Variants in ZCWPW2 observed in about 807,000 individuals in gnomAD.
ZCWPW2 encodes the protein zinc finger CW-type PWWP domain protein 2.
In ZCWPW2, 45 loss-of-function variants were observed where a neutral mutation model predicts 46.6. The ratio of observed to expected loss-of-function variants is 0.96; its 90% confidence interval spans 0.76 to 1.24. The LOEUF (loss-of-function observed/expected upper bound fraction) is 1.24, where lower values mean the gene tolerates loss of function less well. Ranked by LOEUF, ZCWPW2 falls within the 50% of genes most tolerant of loss-of-function variation. The pLI is 0.00. For missense variants in ZCWPW2, 429 were observed against 403.9 expected (o/e 1.06, Z -0.53); for synonymous variants, 152 against 137.1 (o/e 1.11, Z -0.76).
chr3:28,460,928 G>A (rs1358767668), intron 4 of ZCWPW2: 1 of 212,126 alleles, frequency 4.7e-6, no homozygotes, highest in Non-Finnish European at 1.1e-5. Flanking sequence ...ACATTTAGTG[G>A]TGATGCAGTC....
intron 6 of ZCWPW2, among the ~76,000 whole-genome samples, chr3:28,511,315 T>C (rs1211660063): frequency 1.3e-5 from 2 of 152,144 alleles, no homozygotes; most frequent in Non-Finnish European, 2.9e-5. Flanking sequence ...TTATGAAACT[T>C]GAAAATACAG....
intron 3 of ZCWPW2, among the ~76,000 whole-genome samples, chr3:28,422,846 A>C (rs986913246): frequency 3.3e-5 from 5 of 152,016 alleles, no homozygotes; most frequent in Non-Finnish European, 1.5e-5. Context: ...CATTCCCAAC[A>C]GTGTTGCTTC....
chr3:28,442,243 C>G (rs1255748876), intron 4 of ZCWPW2, among the ~76,000 whole-genome samples: 1 of 152,166 alleles, frequency 6.6e-6, no homozygotes, highest in Non-Finnish European at 1.5e-5. Context: ...GTAGGAGAGT[C>G]CAAATGCAGC....
intron 4 of ZCWPW2, among the ~76,000 whole-genome samples, chr3:28,472,521 T>G (rs1559518864): frequency 1.3e-5 from 2 of 152,142 alleles, no homozygotes; most frequent in Non-Finnish European, 1.5e-5. Flanking sequence ...GATATCCATA[T>G]GCAGAAGAAA....
intron 5 of ZCWPW2, among the ~76,000 whole-genome samples, chr3:28,486,422 T>A (rs180820453): frequency 2.8e-4 from 41 of 144,456 alleles, no homozygotes; most frequent in Admixed American, 2.6e-3. Context: ...TCAGTGCTCT[T>A]GTTGTCTTTG....
In ZCWPW2 at chr3:28,441,645, G is replaced by A. The variant is rs191604864; in HGVS notation, c.492+6376G>A. Among the ~76,000 whole-genome samples the A allele has an allele frequency of 2.5e-3, 386 of 152,230 alleles. 1 individual carries two copies. The highest frequency in any genetic ancestry group is 8.4e-3 in the African/African-American group (350 of 41,534). On this transcript the variant is annotated intron_variant, in intron 4 of 9. Coordinates refer to ENST00000383768, the MANE Select transcript of ZCWPW2 (RefSeq NM_001040432.4). ...AGGGTGGCAGGACTGGAGACCGTGG[G>A]CATTTGAGCCACTTCCCCATGTACC... is the stretch of plus-strand genomic sequence containing the variant.
At chr3:28,403,525 C>A (rs145465643) in intron 2 of ZCWPW2, among the ~76,000 whole-genome samples, 105 of 152,170 alleles carry the variant, frequency 6.9e-4, no homozygotes, top group African/African-American at 2.3e-3. Flanking sequence ...CATCATTCTT[C>A]ACGGAATTAG....
chr3:28,432,178 C>T (rs992183430), intron 3 of ZCWPW2, among the ~76,000 whole-genome samples: 2 of 152,146 alleles, frequency 1.3e-5, no homozygotes, highest in African/African-American at 4.8e-5. Flanking sequence ...TGCGTCTTGT[C>T]TGGTTTATGG....
chr3:28,497,755 A>T (rs1378583103), intron 6 of ZCWPW2, among the ~76,000 whole-genome samples: 3 of 152,066 alleles, frequency 2.0e-5, no homozygotes, highest in Non-Finnish European at 4.4e-5. Flanking sequence ...TTTGATTGGC[A>T]TTCCTGGGGT....
chr3:28,417,450 G>T (rs1696642047), intron 3 of ZCWPW2, among the ~76,000 whole-genome samples: 1 of 152,080 alleles, frequency 6.6e-6, no homozygotes, highest in African/African-American at 2.4e-5. Flanking sequence ...GGAGGACCTG[G>T]TACCATTCCT....
rs145141309 is a variant in ZCWPW2, at chr3:28,362,667, G to A, written c.-134+13464G>A. 6.6e-3 allele frequency among the ~76,000 whole-genome samples: 1,002 copies of A among 152,214 alleles called. 8 individuals carry two copies. Among genetic ancestry groups the A allele is most frequent in the African/African-American group, 0.02 (843 of 41,542 alleles). Reference sequence around the variant, plus strand: ...AACCATTGTGGAAAGTAGTGTGGCAGTTCCTCAAAGAACTGAAAATAGAAC... The same window carrying A: ...AACCATTGTGGAAAGTAGTGTGGCAATTCCTCAAAGAACTGAAAATAGAAC... On this transcript the variant is annotated intron_variant, in intron 1 of 9. Coordinates refer to ENST00000383768, the MANE Select transcript of ZCWPW2 (RefSeq NM_001040432.4).
At chr3:28,509,032 A>T (rs1700356368) in intron 6 of ZCWPW2, among the ~76,000 whole-genome samples, 1 of 151,754 alleles carries the variant, frequency 6.6e-6, no homozygotes, top group Admixed American at 6.6e-5. Flanking sequence ...CCCATTTCCC[A>T]CCTTGCCCTT....
chr3:28,478,790 TTTC>T lies in ZCWPW2; in HGVS notation c.493-21_493-19del, dbSNP rs746092169. The T allele has an allele frequency of 6.9e-6, 9 of 1,305,030 alleles. No individual in the cohort carries two copies. In the African/African-American group the frequency reaches 1.1e-4, roughly 16 times the overall value. 80.8% of individuals were successfully genotyped at this position (1,305,030 alleles called of 1,614,324 possible). On this transcript the variant is annotated intron_variant, in intron 4 of 9. Coordinates refer to ENST00000383768, the MANE Select transcript of ZCWPW2 (RefSeq NM_001040432.4). ...AGTTATATATTTAAAAATGAATTTT[TTTC>T]TTTTTTCTGTATTTATATAGCCAGA...
intron 5 of ZCWPW2, among the ~76,000 whole-genome samples, chr3:28,480,108 T>C (rs1374780427): frequency 6.6e-6 from 1 of 152,170 alleles, no homozygotes; most frequent in Non-Finnish European, 1.5e-5. Context: ...CTGGGTTGAA[T>C]GATATTTCTG....
At chr3:28,428,221 T>A (rs1258404112) in intron 3 of ZCWPW2, 5 of 152,356 alleles carry the variant, frequency 3.3e-5, no homozygotes, top group Non-Finnish European at 7.3e-5. Flanking sequence ...TTCATTGAGG[T>A]CCTGACGCTA....
At position 28,422,914 on chromosome 3, in the gene ZCWPW2, G is replaced by T. The variant is rs186695386; in HGVS notation, c.332+9514G>T. 4.1e-4 allele frequency among the ~76,000 whole-genome samples: 63 copies of T among 152,170 alleles called. 1 individual carries two copies. Among genetic ancestry groups the T allele is most frequent in the Admixed American group, 1.5e-3 (23 of 15,280 alleles). On this transcript the variant is annotated intron_variant, in intron 3 of 9. Coordinates refer to ENST00000383768, the MANE Select transcript of ZCWPW2 (RefSeq NM_001040432.4). ...TTTGAATTCTAATAGGTGTGTAGTG[G>T]TATTTCATTGTTTTAGTTTGTATTT... is the stretch of plus-strand genomic sequence containing the variant.
chr3:28,505,213 T>G (rs977655508), intron 6 of ZCWPW2, among the ~76,000 whole-genome samples: 3 of 152,106 alleles, frequency 2.0e-5, no homozygotes, highest in Non-Finnish European at 4.4e-5. Context: ...GATAAGCCCC[T>G]CAAAGCAGAG....
At chr3:28,498,143 T>C (rs1279890607) in intron 6 of ZCWPW2, among the ~76,000 whole-genome samples, 1 of 151,862 alleles carries the variant, frequency 6.6e-6, no homozygotes, top group Non-Finnish European at 1.5e-5. Context: ...TAAAAAACAA[T>C]AGTGTACCCA....
intron 1 of ZCWPW2, among the ~76,000 whole-genome samples, chr3:28,363,455 A>G (rs987650293): frequency 1.3e-5 from 2 of 152,116 alleles, no homozygotes; most frequent in Non-Finnish European, 2.9e-5. Context: ...GAACATATTA[A>G]TGTTAACCAT....
Sources: allele counts gnomAD v4.1 joint callset (sites outside exome capture counted in the v4.1 genomes callset), GRCh38; gene constraint gnomAD v4.1.1; transcripts MANE v1.5; gene names NCBI Gene and HGNC (gene_info 2026-07-23, HGNC 2026-07-21).